ITSN1: variants seen among roughly 807,000 people sequenced by gnomAD.
ITSN1 encodes the protein intersectin-1.
In ITSN1, 58 loss-of-function variants were observed where a neutral mutation model predicts 239.8. The ratio of observed to expected loss-of-function variants is 0.24; its 90% CI spans 0.20 to 0.30. ITSN1 has a LOEUF of 0.30. Ranked by LOEUF, ITSN1 falls within the 10% of genes least tolerant of loss-of-function variation. ITSN1 has a pLI of 1.00. For synonymous variants in ITSN1, 780 were observed against 770.8 expected (o/e 1.01, Z -0.20); for missense variants, 1,558 against 2,103.3 (o/e 0.74, Z 5.07).
chr21:33,808,313 G>A (rs1169228230), intron 20 of ITSN1, among the ~76,000 whole-genome samples: 1 of 152,060 alleles, frequency 6.6e-6, no homozygotes, highest in Non-Finnish European at 1.5e-5. Context: ...GGCCTGGCAC[G>A]GTGGCTCACG....
chr21:33,750,626 A>T (rs1346188799), intron 6 of ITSN1, among the ~76,000 whole-genome samples: 1 of 152,178 alleles, frequency 6.6e-6, no homozygotes, highest in Non-Finnish European at 1.5e-5. Context: ...TTGAAGTTGA[A>T]CTGTAGTTGA....
Position 33,895,669 on chromosome 21 carries a change from ATGTT to A in ITSN1, c.*7373_*7376del, listed in dbSNP as rs1348343006. 7.0e-6 allele frequency: 1 copy of A among 142,458 alleles called. No individual in the cohort carries two copies. Among genetic ancestry groups the A allele is most frequent in the Admixed American group, 7.0e-5 (1 of 14,312 alleles). The allele number at this position is 142,458 out of a possible 1,614,324, so 8.8% of individuals were successfully genotyped here. On this transcript the variant is annotated 3_prime_UTR_variant, in exon 40 of 40. Transcript: ENST00000381318. ...TGTGTATGTGCGTGTATGCATGTGC[ATGTT>A]TGTGTGTGCGTGCATATGTGTATGT...
At chr21:33,716,101 T>C (rs961589603) in intron 1 of ITSN1, among the ~76,000 whole-genome samples, 5 of 152,138 alleles carry the variant, frequency 3.3e-5, no homozygotes, top group African/African-American at 4.8e-5. Flanking sequence ...AGGTCAGTTA[T>C]GGAGATAACA....
At chr21:33,887,806 C>T (rs1211153750) in intron 39 of ITSN1, among the ~76,000 whole-genome samples, 2 of 151,974 alleles carry the variant, frequency 1.3e-5, no homozygotes, top group East Asian at 1.9e-4. Flanking sequence ...CAGGGTCTCA[C>T]TCTATTGCCC....
chr21:33,721,280 G>T lies in ITSN1; in HGVS notation c.121+10G>T, dbSNP rs1251593554. ...TCTGGATTCATTACTGGTAATCACA[G>T]TCAGCATTTTTTCATTTTTACTTAT... On this transcript the variant is annotated intron_variant, in intron 3 of 39. Coordinates refer to ENST00000381318, the MANE Select transcript of ITSN1 (RefSeq NM_003024.3). 14 of 1,562,880 alleles carry T rather than the reference G, an allele frequency of 9.0e-6. No individual in the cohort carries two copies. Among genetic ancestry groups the T allele is most frequent in the Non-Finnish European group, 1.1e-5 (13 of 1,133,652 alleles).
chr21:33,894,628 A>G lies in ITSN1; in HGVS notation c.*6328A>G, dbSNP rs2148589530. The G allele has an allele frequency of 6.6e-6, 1 of 152,292 alleles. No individual in the cohort carries two copies. The highest frequency in any genetic ancestry group is 1.5e-5 in the Non-Finnish European group (1 of 68,028). 9.4% of individuals were successfully genotyped at this position (152,292 alleles called of 1,614,324 possible). The stretch of plus-strand genomic sequence containing the variant: ...GGTTTCTTTTTAGGCAGTGGTAAGA[A>G]TGCGTATTTTCTTCTTCCAGAAGTT... On this transcript the variant is annotated 3_prime_UTR_variant, in exon 40 of 40. Transcript: ENST00000381318.
intron 29 of ITSN1, chr21:33,837,912 C>T: frequency 2.0e-6 from 2 of 985,770 alleles, no homozygotes; most frequent in Non-Finnish European, 2.4e-6. Flanking sequence ...TATCCACAGT[C>T]TCTTTTTAGT....
At position 33,758,022 on chromosome 21, in the gene ITSN1, G is replaced by A. The variant is rs143853317; in HGVS notation, c.724+2625G>A. On this transcript the variant is annotated intron_variant, in intron 8 of 39. Coordinates refer to ENST00000381318, the MANE Select transcript of ITSN1 (RefSeq NM_003024.3). ...CTCCTGAGTAGCAGGGACTACAGGC[G>A]TGCATGCACCACCACACCTGGCTAA... Among the ~76,000 whole-genome samples the A allele has an allele frequency of 7.2e-3, 1,094 of 152,040 alleles. 14 individuals are homozygous for A. The highest frequency in any genetic ancestry group is 0.025 in the African/African-American group (1,040 of 41,462).
chr21:33,755,425 A>G, intron 8 of ITSN1, 28 bp downstream of exon 8: 1 of 1,241,458 alleles, frequency 8.1e-7, no homozygotes, highest in South Asian at 1.3e-5. Context: ...TTAGTGAAAT[A>G]TGATCTTTGT....
In ITSN1 at chr21:33,797,761, C is replaced by G. The variant is rs904713527; in HGVS notation, c.2182+153C>G. ...TTGAGCATGGCCAGCTCTTCTTTCC[C>G]CAGGGTCATTTGAGATCTGTGTAAT... On this transcript the variant is annotated intron_variant, in intron 18 of 39. Transcript: ENST00000381318. This position sits in a 1 kb window ranked among gnomAD's most constrained non-coding sequence, Gnocchi z 4.9. Among the ~76,000 whole-genome samples, 2 of 152,202 alleles carry G rather than the reference C, an allele frequency of 1.3e-5. No homozygotes were observed. The highest frequency in any genetic ancestry group is 4.8e-5 in the African/African-American group (2 of 41,442).
intron 1 of ITSN1, among the ~76,000 whole-genome samples, chr21:33,645,583 G>C (rs766716576): frequency 1.7e-4 from 26 of 152,172 alleles, no homozygotes; most frequent in Non-Finnish European, 3.1e-4. Context: ...CCAGGAGATG[G>C]AGGCTGCAGT....
At position 33,700,951 on chromosome 21, in the gene ITSN1, CTGTGTG is replaced by C. The variant is rs72389168; in HGVS notation, c.-32-17812_-32-17807del. On this transcript the variant is annotated intron_variant, in intron 1 of 39. Transcript: ENST00000381318. ...AGTACATGTAGAAGATTTCTTTTTT[CTGTGTG>C]TGTGTGTGTGTGTGTGTGTGTGTGT... 5.2e-3 allele frequency among the ~76,000 whole-genome samples: 732 copies of C among 141,832 alleles called. 11 individuals carry two copies. The highest frequency in any genetic ancestry group is 0.051 in the East Asian group (245 of 4,766). The allele number at this position is 141,832 out of a possible 152,430, so 93.0% of individuals were successfully genotyped here.
intron 27 of ITSN1, among the ~76,000 whole-genome samples, chr21:33,831,856 T>C (rs2074310809): frequency 6.6e-6 from 1 of 152,186 alleles, no homozygotes; most frequent in Non-Finnish European, 1.5e-5. Flanking sequence ...GAATCTGACC[T>C]CTGGAGGCCT....
At chr21:33,771,518 A>G (rs2069159410) in intron 11 of ITSN1, among the ~76,000 whole-genome samples, 1 of 152,262 alleles carries the variant, frequency 6.6e-6, no homozygotes, top group Non-Finnish European at 1.5e-5. Flanking sequence ...TTCTAAATTT[A>G]TAATTGATGT....
chr21:33,703,083 CTG>C lies in ITSN1; in HGVS notation c.-32-15684_-32-15683del, dbSNP rs10529613. ...CCTGGGTGGCTGAGCGAGACTCTGT[CTG>C]TGTGTGTGTGTGTGTGTGTGTGTGT... On this transcript the variant is annotated intron_variant, in intron 1 of 39. Transcript: ENST00000381318. Among the ~76,000 whole-genome samples, 1,079 of 145,402 alleles carry C rather than the reference CTG, an allele frequency of 7.4e-3. 6 individuals are homozygous for C. The highest frequency in any genetic ancestry group is 0.031 in the South Asian group (140 of 4,578).
At chr21:33,785,516 A>G (rs1392836531) in intron 16 of ITSN1, among the ~76,000 whole-genome samples, 1 of 152,220 alleles carries the variant, frequency 6.6e-6, no homozygotes, top group African/African-American at 2.4e-5. Context: ...TGTCTTGCTC[A>G]GATTAATTTG....
At chr21:33,655,270 A>T (rs952937563) in intron 1 of ITSN1, among the ~76,000 whole-genome samples, 2 of 152,100 alleles carry the variant, frequency 1.3e-5, no homozygotes, top group Non-Finnish European at 2.9e-5. Context: ...AATGTTGCAG[A>T]ATTTCAGTGG....
rs192896182 is a variant in ITSN1, at chr21:33,789,877, C to T, written c.1825-4464C>T. On this transcript the variant is annotated intron_variant, in intron 16 of 39. Transcript: ENST00000381318. Reference sequence around the variant, plus strand: ...GGTATTCAATTTGTCAAACAGATTGCTTTTGAAATACTTTGGCTCTGTGCC... The same window carrying T: ...GGTATTCAATTTGTCAAACAGATTGTTTTTGAAATACTTTGGCTCTGTGCC... Among the ~76,000 whole-genome samples the T allele has an allele frequency of 3.9e-5, 6 of 152,260 alleles. No homozygotes were observed. The East Asian group carries it at 9.6e-4, about 24-fold the overall frequency.
At chr21:33,804,519 G>A (rs2072253955) in intron 20 of ITSN1, among the ~76,000 whole-genome samples, 1 of 152,220 alleles carries the variant, frequency 6.6e-6, no homozygotes, top group Non-Finnish European at 1.5e-5. Flanking sequence ...AGAGGAATCA[G>A]TGTAAAGTGA....
Sources: allele counts gnomAD v4.1 joint callset (sites outside exome capture counted in the v4.1 genomes callset), GRCh38; gene constraint gnomAD v4.1.1; non-coding constraint Gnocchi (gnomAD v3.1); transcripts MANE v1.5; gene names NCBI Gene and HGNC (gene_info 2026-07-23, HGNC 2026-07-21).